Variants in FZD6 observed in about 807,000 individuals in gnomAD.
FZD6 encodes the protein frizzled class receptor 6.
FZD6 carries 49 observed loss-of-function variants against 61.4 expected under a neutral mutation model. The observed-to-expected ratio is 0.80, with a 90% CI of 0.63 to 1.01. The LOEUF (loss-of-function observed/expected upper bound fraction) is 1.01, where lower values mean the gene tolerates loss of function less well. Among genes scored for constraint, FZD6 ranks in the 50% least tolerant of loss-of-function variants. The pLI, the probability that FZD6 is intolerant of heterozygous loss-of-function variation, is 0.00. For missense variants in FZD6, 724 were observed against 848.2 expected (o/e 0.85, Z 1.82); for synonymous variants, 265 against 292.2 (o/e 0.91, Z 0.95).
intron 1 of FZD6, among the ~76,000 whole-genome samples, chr8:103,299,524 T>G (rs1028002215): frequency 6.6e-6 from 1 of 152,234 alleles, no homozygotes; most frequent in Non-Finnish European, 1.5e-5. Flanking sequence ...CCACAAAAAC[T>G]GACTCTTCAG....
In FZD6 at chr8:103,326,464, G is replaced by A. The variant is rs547731187; in HGVS notation, c.1392+966G>A. Among the ~76,000 whole-genome samples, 11 of 152,136 alleles carry A rather than the reference G, an allele frequency of 7.2e-5. No individual in the cohort carries two copies. In the East Asian group the frequency reaches 2.1e-3, roughly 29 times the overall value. On this transcript the variant is annotated intron_variant, in intron 4 of 6. Coordinates refer to ENST00000358755, the MANE Select transcript of FZD6 (RefSeq NM_003506.4). ...CTAGTTTCCTCAGTCTTTTTGGCAA[G>A]GTTGGGGAGAGGAAACTATTACATA... is the stretch of plus-strand genomic sequence containing the variant.
Position 103,328,473 on chromosome 8 carries a change from AG to A in FZD6, c.1541+59del, listed in dbSNP as rs1372743914. Reference sequence around the variant, plus strand: ...TTTAAATAAATAGATCAAAATACCAAGGAACTGTTCAAATCAATGTACTAGA... The same window carrying A: ...TTTAAATAAATAGATCAAAATACCAAGAACTGTTCAAATCAATGTACTAGA... On this transcript the variant is annotated intron_variant, in intron 5 of 6. Coordinates refer to ENST00000358755, the MANE Select transcript of FZD6 (RefSeq NM_003506.4). The A allele has an allele frequency of 4.0e-6, 5 of 1,250,588 alleles. No individual in the cohort carries two copies. In the East Asian group the frequency reaches 1.2e-4, roughly 29 times the overall value. 77.5% of individuals were successfully genotyped at this position (1,250,588 alleles called of 1,614,324 possible). A position where few individuals can be genotyped will look rare whatever the true frequency, so the allele number is the denominator to read the frequency against.
intron 5 of FZD6, among the ~76,000 whole-genome samples, chr8:103,329,389 G>A (rs1466945041): frequency 9.5e-6 from 1 of 105,264 alleles, no homozygotes; most frequent in South Asian, 4.0e-4. Context: ...GAGCCTCCTT[G>A]CCCTCATCCT....
At chr8:103,325,894 ATTATC>A (rs1398088990) in intron 4 of FZD6, among the ~76,000 whole-genome samples, 1 of 152,160 alleles carries the variant, frequency 6.6e-6, no homozygotes, top group East Asian at 1.9e-4. Context: ...ATTTGATCAT[ATTATC>A]TTATAGCTTT....
intron 3 of FZD6, among the ~76,000 whole-genome samples, chr8:103,320,167 A>G (rs954898937): frequency 2.0e-5 from 3 of 152,226 alleles, no homozygotes; most frequent in Non-Finnish European, 4.4e-5. Flanking sequence ...TTCTATTTCC[A>G]TTGTGACATA....
chr8:103,315,975 C>T (rs995265118), intron 2 of FZD6, among the ~76,000 whole-genome samples: 2 of 152,094 alleles, frequency 1.3e-5, no homozygotes, highest in African/African-American at 4.8e-5. Context: ...CAGTTTAGCA[C>T]TTTAGGCCGT....
At chr8:103,326,423 A>G (rs1300103003) in intron 4 of FZD6, among the ~76,000 whole-genome samples, 2 of 152,104 alleles carry the variant, frequency 1.3e-5, no homozygotes, top group Non-Finnish European at 2.9e-5. Context: ...TGATCCTGCT[A>G]TATTAATAAT....
intron 4 of FZD6, among the ~76,000 whole-genome samples, chr8:103,328,000 C>A (rs577929129): frequency 1.3e-5 from 2 of 151,914 alleles, no homozygotes; most frequent in African/African-American, 2.4e-5. Context: ...GAAAAAAATG[C>A]GAGGAAATCA....
intron 4 of FZD6, among the ~76,000 whole-genome samples, chr8:103,326,727 G>A (rs1423582870): frequency 6.7e-6 from 1 of 148,378 alleles, no homozygotes; most frequent in African/African-American, 2.5e-5. Context: ...CATAATCAAT[G>A]TCAAAAGACT....
rs749906371 is a variant in FZD6 at position 103,324,543 on chromosome 8, C to T, written c.437C>T (p.Pro146Leu). 8.7e-6 allele frequency: 14 copies of T among 1,612,140 alleles called. No homozygotes were observed. In the African/African-American group the frequency reaches 1.6e-4, roughly 18 times the overall value. ...GATCCACACACAGAATTTCTTGGTC[C>T]TCAGAAGAAAACAGAACAAGTCCAA... ...TFDPHTEFLG[P>L]QKKTEQVQRD... The change falls in exon 4 of 7, where the codon CCT becomes CTT. Residue 146 changes from proline (P) to leucine (L), a missense_variant. Transcript: ENST00000358755.
intron 1 of FZD6, among the ~76,000 whole-genome samples, chr8:103,299,273 C>T (rs1814074312): frequency 6.6e-6 from 1 of 152,210 alleles, no homozygotes; most frequent in Non-Finnish European, 1.5e-5. Flanking sequence ...GCTGGCGGAC[C>T]GGGCATCAGT....
At chr8:103,322,218 A>G (rs1339355876) in intron 3 of FZD6, among the ~76,000 whole-genome samples, 3 of 152,114 alleles carry the variant, frequency 2.0e-5, no homozygotes, top group African/African-American at 7.2e-5. Flanking sequence ...TTAATGTAAT[A>G]TTTTGGCAAG....
Position 103,332,262 on chromosome 8 carries a change from T to C in FZD6, c.*753T>C, listed in dbSNP as rs925188304. ...CACTGATCCTTCTGCATATTTAAAA[T>C]AAAATGTCCTAAAGGGTTAGTAGAC... On this transcript the variant is annotated 3_prime_UTR_variant, in exon 7 of 7. Coordinates refer to ENST00000358755, the MANE Select transcript of FZD6 (RefSeq NM_003506.4). 6.6e-6 allele frequency: 1 copy of C among 152,206 alleles called. No homozygotes were observed. The highest frequency in any genetic ancestry group is 2.4e-5 in the African/African-American group (1 of 41,470). The allele number at this position is 152,206 out of a possible 1,614,324, so 9.4% of individuals were successfully genotyped here. A position where few individuals can be genotyped will look rare whatever the true frequency, so the allele number is the denominator to read the frequency against.
intron 2 of FZD6, among the ~76,000 whole-genome samples, chr8:103,314,022 C>T (rs1814567385): frequency 6.6e-6 from 1 of 152,096 alleles, no homozygotes; most frequent in Non-Finnish European, 1.5e-5. Flanking sequence ...ATTTACCTGC[C>T]TGGCCTCTGA....
At chr8:103,316,309 A>G (rs1814625485) in intron 2 of FZD6, among the ~76,000 whole-genome samples, 1 of 152,174 alleles carries the variant, frequency 6.6e-6, no homozygotes, top group African/African-American at 2.4e-5. Context: ...ATACTCTGTC[A>G]ATCTCAATCC....
intron 2 of FZD6, among the ~76,000 whole-genome samples, chr8:103,304,064 T>G (rs1303470900): frequency 6.6e-6 from 1 of 152,200 alleles, no homozygotes; most frequent in Admixed American, 6.5e-5. Flanking sequence ...GTTTTACACC[T>G]CCAACCCGAT....
At chr8:103,307,810 G>A (rs1339899849) in intron 2 of FZD6, 1 of 455,958 alleles carries the variant, frequency 2.2e-6, no homozygotes, top group Non-Finnish European at 4.4e-6. Context: ...GTAGCTCATA[G>A]AATCGCCAGG....
intron 2 of FZD6, among the ~76,000 whole-genome samples, chr8:103,306,572 C>T (rs143576639): frequency 1.3e-4 from 19 of 143,154 alleles, no homozygotes; most frequent in South Asian, 6.7e-4. Context: ...GGCGCCATCT[C>T]GCTCACTGCA....
At position 103,300,217 on chromosome 8, in the gene FZD6, A is replaced by G; in HGVS notation, c.110A>G (p.Tyr37Cys). The G allele has an allele frequency of 6.2e-7, 1 of 1,610,976 alleles. No homozygotes were observed. Among genetic ancestry groups the G allele is most frequent in the Non-Finnish European group, 8.5e-7 (1 of 1,177,070 alleles). ...ITVPRCMKMA[Y>C]NMTFFPNLMG... is the part of the protein sequence containing the mutation. ...GTTCCCAGATGTATGAAAATGGCCT[A>G]CAACATGACGTTTTTCCCTAATCTG... is the stretch of plus-strand genomic sequence containing the variant. The change falls in exon 2 of 7, where the codon TAC becomes TGC. Residue 37 changes from tyrosine (Y) to cysteine (C), a missense_variant. Tyr to Cys is a radical substitution (Grantham distance 194). Coordinates refer to ENST00000358755, the MANE Select transcript of FZD6 (RefSeq NM_003506.4).
Sources: gnomAD v4.1 joint callset for allele counts (sites outside exome capture counted in the v4.1 genomes callset) on GRCh38, gnomAD v4.1.1 for gene constraint, MANE v1.5 for transcripts, NCBI Gene and HGNC (gene_info 2026-07-23, HGNC 2026-07-21) for gene names.